Variants in NOL11 observed in about 807,000 individuals in gnomAD.
NOL11 encodes nucleolar protein 11.
NOL11 carries 42 observed loss-of-function variants against 93.0 expected under a neutral mutation model. The observed-to-expected ratio is 0.45, with a 90% confidence interval of 0.35 to 0.58. The LOEUF (loss-of-function observed/expected upper bound fraction) is 0.58, where lower values mean the gene tolerates loss of function less well. Among genes scored for constraint, NOL11 ranks in the 20% least tolerant of loss-of-function variants. The pLI is 0.00. For missense variants in NOL11, 775 were observed against 841.8 expected (o/e 0.92, Z 0.98); for synonymous variants, 296 against 293.7 (o/e 1.01, Z -0.08).
At chr17:67,725,522 A>G (rs969824005) in intron 6 of NOL11, among the ~76,000 whole-genome samples, 11 of 152,204 alleles carry the variant, frequency 7.2e-5, no homozygotes, top group African/African-American at 2.7e-4. Flanking sequence ...CCATATTATC[A>G]CAATTAAAAA....
chr17:67,732,110 TC>T (rs1567802627), intron 7 of NOL11, among the ~76,000 whole-genome samples: 1 of 147,208 alleles, frequency 6.8e-6, no homozygotes, highest in Non-Finnish European at 1.5e-5. Flanking sequence ...ACAGGATATC[TC>T]TATTTATTTA....
Position 67,723,744 on chromosome 17 carries a change from T to C in NOL11, c.520-305T>C, listed in dbSNP as rs543546682. On this transcript the variant is annotated intron_variant, in intron 5 of 17. Transcript: ENST00000253247. ...CTGGGTGTGGTGACCTCATCTCTAT[T>C]AAAAAAAAAAAAATAGTGTAGCATG... Among the ~76,000 whole-genome samples, 3 of 144,500 alleles carry C rather than the reference T, an allele frequency of 2.1e-5. No individual in the cohort carries two copies. The South Asian group carries it at 6.6e-4, about 32-fold the overall frequency. The allele number at this position is 144,500 out of a possible 152,430, so 94.8% of individuals were successfully genotyped here.
At chr17:67,741,648 T>C (rs1339599767) in intron 16 of NOL11, among the ~76,000 whole-genome samples, 2 of 152,138 alleles carry the variant, frequency 1.3e-5, no homozygotes, top group African/African-American at 4.8e-5. Context: ...CTTGGCTTAC[T>C]GCAATCTCCA....
chr17:67,719,855 A>T (rs764053417), intron 2 of NOL11, 51 bp from the exon 3 acceptor site: 1 of 1,506,306 alleles, frequency 6.6e-7, no homozygotes, highest in East Asian at 2.3e-5. Flanking sequence ...TGTATTTATT[A>T]TATGTAAATG....
chr17:67,736,860 T>C, intron 10 of NOL11, 106 bp downstream of exon 10: 3 of 885,484 alleles, frequency 3.4e-6, no homozygotes, highest in Middle Eastern at 3.2e-4. Flanking sequence ...GAGCTTTGAC[T>C]ATAATGACAG....
In NOL11 at chr17:67,723,892, C is replaced by T. The variant is rs116453635; in HGVS notation, c.520-157C>T. On this transcript the variant is annotated intron_variant, in intron 5 of 17. Transcript: ENST00000253247. ...CGGTAGCCCAGCCTGGGCCACAGAG[C>T]AAGACCCTGTCTCAAAACAAACAAA... Among the ~76,000 whole-genome samples the T allele has an allele frequency of 6.1e-3, 936 of 152,216 alleles. 8 individuals carry two copies. The highest frequency in any genetic ancestry group is 0.022 in the African/African-American group (900 of 41,522).
intron 13 of NOL11, 67 bp from the exon 14 acceptor site, chr17:67,738,055 G>C (rs1452085930): frequency 6.4e-7 from 1 of 1,552,838 alleles, no homozygotes; most frequent in Admixed American, 2.0e-5. Context: ...TTGATGCTTA[G>C]GAAATGAAAT....
chr17:67,740,897 CTTCT>C (rs201299108), intron 16 of NOL11: 1,943 of 66,868 alleles, frequency 0.029, 16 homozygotes, highest in Non-Finnish European at 0.049. Context: ...TAAAAAATAA[CTTCT>C]TTTTTTTTTT....
At chr17:67,723,758 T>C (rs1321753987) in intron 5 of NOL11, among the ~76,000 whole-genome samples, 1 of 143,346 alleles carries the variant, frequency 7.0e-6, no homozygotes. Context: ...AAAAAAAAAA[T>C]AGTGTAGCAT....
intron 1 of NOL11, chr17:67,719,404 G>A: frequency 4.1e-6 from 1 of 245,642 alleles, no homozygotes; most frequent in East Asian, 1.2e-4. Flanking sequence ...GGGGTTACAG[G>A]CGCACGCCAC....
intron 7 of NOL11, among the ~76,000 whole-genome samples, chr17:67,733,781 T>C (rs951534560): frequency 2.0e-5 from 3 of 152,226 alleles, no homozygotes; most frequent in Non-Finnish European, 4.4e-5. Context: ...CTCTGTTCTG[T>C]TGATGTATGT....
At chr17:67,721,021 A>G (rs778431037) in intron 3 of NOL11, among the ~76,000 whole-genome samples, 1 of 152,172 alleles carries the variant, frequency 6.6e-6, no homozygotes, top group Non-Finnish European at 1.5e-5. Context: ...CAATTGTGGC[A>G]TTAGTTTTTA....
At chr17:67,741,860 G>T (rs999856777) in intron 16 of NOL11, among the ~76,000 whole-genome samples, 1 of 152,074 alleles carries the variant, frequency 6.6e-6, no homozygotes, top group Admixed American at 6.6e-5. Context: ...CACCGCACCC[G>T]GCCCACTCAG....
Position 67,743,905 on chromosome 17 carries a change from T to C in NOL11, c.*46T>C, listed in dbSNP as rs1368603469. ...AGACATTTTATAAAGCTCTTTTATG[T>C]GAACTCTTGCTTCATCCAGGCAAGA... On this transcript the variant is annotated 3_prime_UTR_variant, in exon 18 of 18. Coordinates refer to ENST00000253247, the MANE Select transcript of NOL11 (RefSeq NM_015462.5). The C allele has an allele frequency of 1.0e-6, 1 of 989,114 alleles. No homozygotes were observed. Among genetic ancestry groups the C allele is most frequent in the Non-Finnish European group, 1.5e-6 (1 of 656,338 alleles). 61.3% of individuals were successfully genotyped at this position (989,114 alleles called of 1,614,324 possible). A position where few individuals can be genotyped will look rare whatever the true frequency, so the allele number is the denominator to read the frequency against.
chr17:67,739,045 T>C (rs773123489), intron 15 of NOL11, 35 bp downstream of exon 15: 2 of 1,439,910 alleles, frequency 1.4e-6, no homozygotes, highest in East Asian at 4.5e-5. Flanking sequence ...GAATTTTACT[T>C]CTGGTTTAAA....
intron 16 of NOL11, 105 bp downstream of exon 16, chr17:67,739,713 G>C: frequency 1.4e-6 from 1 of 692,430 alleles, no homozygotes. Flanking sequence ...TTGTTTCCTA[G>C]GCCGTAGGAA....
In NOL11 at chr17:67,718,076, C is replaced by T; in HGVS notation, c.129C>T (p.Val43=). The stretch of plus-strand genomic sequence containing the variant: ...TAGTGACAGACAGCGGCAGGACAGT[C>T]ATCCTCTATAAGGTGAAGGCAATAG... ...QFLVTDSGRT[V]ILYKVSDQKP... is the part of the protein sequence containing the mutation. Residue 43 remains valine, a synonymous_variant, in exon 1 of 18, where the codon GTC becomes GTT. Transcript: ENST00000253247. The T allele has an allele frequency of 6.2e-7, 1 of 1,614,198 alleles. No individual in the cohort carries two copies. The highest frequency in any genetic ancestry group is 8.5e-7 in the Non-Finnish European group (1 of 1,180,022).
intron 14 of NOL11, chr17:67,738,597 C>T (rs546761360): frequency 3.0e-5 from 14 of 474,040 alleles, no homozygotes; most frequent in African/African-American, 2.0e-4. Context: ...TTTTTGAGGC[C>T]GAGGTGGGAG....
At position 67,737,965 on chromosome 17, in the gene NOL11, T is replaced by G; in HGVS notation, c.1522T>G (p.Phe508Val). ...AGTCACCTGTGCTTGCTTAAAAATT[T>G]TCTTGAGGTAAGTTAGACTCCAATG... ...ESVTCACLKI[F>V]LSIGDDSLQE... Residue 508 changes from phenylalanine (F) to valine (V), a missense_variant, in exon 13 of 18, where the codon TTC (phenylalanine) becomes GTC (valine). Physicochemically the swap from Phe to Val is conservative, Grantham distance 50. Around this residue, in one of 2 missense-constraint regions of NOL11, gnomAD observed 416 missense variants for 525.2 expected, o/e 0.79. Transcript: ENST00000253247. 1 of 1,607,778 alleles carries G rather than the reference T, an allele frequency of 6.2e-7. No homozygotes were observed.
Sources: allele counts gnomAD v4.1 joint callset (sites outside exome capture counted in the v4.1 genomes callset), GRCh38; gene constraint gnomAD v4.1.1; regional missense constraint gnomAD v4.1.1; transcripts MANE v1.5; gene names NCBI Gene and HGNC (gene_info 2026-07-23, HGNC 2026-07-21).